FAT3: variants seen among roughly 807,000 people sequenced by gnomAD.
FAT3 encodes FAT atypical cadherin 3, also known as protocadherin Fat 3.
A neutral mutation model predicts 310.2 loss-of-function variants in FAT3; 95 were observed. The ratio of observed to expected loss-of-function variants is 0.31; its 90% CI spans 0.26 to 0.36. FAT3 has a LOEUF of 0.36. Ranked by LOEUF, FAT3 falls within the 10% of genes least tolerant of loss-of-function variation. The probability of loss-of-function intolerance (pLI) is 1.00; values close to 1 mark genes in which losing one functional copy is unlikely to be tolerated. For synonymous variants in FAT3, 2,314 were observed against 2,192.9 expected, an observed-to-expected ratio of 1.06 and a Z score of -1.54; for missense variants, 5,408 against 5,715.6, an observed-to-expected ratio of 0.95 and a Z score of 1.74.
At chr11:92,293,032 GGAAGGAAGGA>G in intron 1 of FAT3, among the ~76,000 whole-genome samples, 1 of 82,000 alleles carries the variant, frequency 1.2e-5, no homozygotes, top group Non-Finnish European at 2.8e-5. Flanking sequence ...AAGGAAGGAA[GGAAGGAAGGA>G]AGGAAGGAAG....
At chr11:92,392,138 A>G (rs1703281310) in intron 2 of FAT3, among the ~76,000 whole-genome samples, 1 of 152,098 alleles carries the variant, frequency 6.6e-6, no homozygotes, top group African/African-American at 2.4e-5. Context: ...TGGCCAGTTC[A>G]TGTCTCTGGG....
rs780835362 is a variant in FAT3, at chr11:92,890,639, C to G, written c.13296C>G (p.Asp4432Glu). ...GCGATTACTACCTGGGTGGTTATGACATTGACAGTGAATACCCACCCCCTC... is the reference window on the plus strand; with the variant it reads ...GCGATTACTACCTGGGTGGTTATGAGATTGACAGTGAATACCCACCCCCTC... The part of the protein sequence containing the change: ...LESDYYLGGY[D>E]IDSEYPPPHE... The change falls in exon 28 of 28, where the codon GAC becomes GAG. Residue 4432 changes from aspartate to glutamate, a missense_variant. Around this residue, in one of 5 missense-constraint regions of FAT3, gnomAD observed 649 missense variants for 666.2 expected, o/e 0.97. Transcript: ENST00000525166. 1.2e-6 allele frequency: 2 copies of G among 1,613,842 alleles called. No individual in the cohort carries two copies. Among genetic ancestry groups the G allele is most frequent in the South Asian group, 2.2e-5 (2 of 91,038 alleles).
intron 2 of FAT3, among the ~76,000 whole-genome samples, chr11:92,425,618 T>C (rs1435953666): frequency 6.6e-6 from 1 of 151,958 alleles, no homozygotes; most frequent in Non-Finnish European, 1.5e-5. Flanking sequence ...TCCCACTTAT[T>C]AGTGAGAACA....
chr11:92,539,544 G>A (rs1184066688), intron 3 of FAT3, among the ~76,000 whole-genome samples: 4 of 152,032 alleles, frequency 2.6e-5, no homozygotes, highest in African/African-American at 7.2e-5. Flanking sequence ...AGGTGTGGGA[G>A]GAACACAAAA....
intron 2 of FAT3, among the ~76,000 whole-genome samples, chr11:92,483,145 C>T (rs1400117324): frequency 6.6e-6 from 1 of 152,102 alleles, no homozygotes; most frequent in African/African-American, 2.4e-5. Context: ...AGTGCTGATG[C>T]TTGGACAAGC....
At position 92,882,796 on chromosome 11, in the gene FAT3, G is replaced by C. The variant is rs907878274; in HGVS notation, c.12340G>C (p.Val4114Leu). ...GGAGTGTGAGAACGGAGGCTCCTGCGTGAACGTGTTCGGCTCCTTCCTCTG... is the reference window on the plus strand; with the variant it reads ...GGAGTGTGAGAACGGAGGCTCCTGCCTGAACGTGTTCGGCTCCTTCCTCTG... ...REECENGGSCVNVFGSFLCNC... is the reference protein window; with the variant it reads ...REECENGGSCLNVFGSFLCNC... The change falls in exon 24 of 28, where the codon GTG becomes CTG. Residue 4114 changes from valine to leucine, a missense_variant. Physicochemically the swap from Val to Leu is conservative, Grantham distance 32 (BLOSUM62 1). This residue lies in a region of FAT3 where 649 missense variants were observed against 666.2 expected (regional missense o/e 0.97). Transcript: ENST00000525166. 1 of 1,612,042 alleles carries C rather than the reference G, an allele frequency of 6.2e-7. No individual in the cohort carries two copies. The highest frequency in any genetic ancestry group is 8.5e-7 in the Non-Finnish European group (1 of 1,179,248).
intron 21 of FAT3, among the ~76,000 whole-genome samples, chr11:92,861,093 G>A (rs975218809): frequency 4.6e-5 from 7 of 152,128 alleles, no homozygotes; most frequent in African/African-American, 9.7e-5. Context: ...TTCTGGCCCC[G>A]GAAGCAGCAT....
At chr11:92,473,865 T>C (rs1342047499) in intron 2 of FAT3, among the ~76,000 whole-genome samples, 3 of 152,188 alleles carry the variant, frequency 2.0e-5, no homozygotes, top group African/African-American at 7.2e-5. Context: ...TTTTGGCACT[T>C]CATGGGCCTT....
At chr11:92,689,122 A>G (rs1481414828) in intron 3 of FAT3, among the ~76,000 whole-genome samples, 1 of 152,154 alleles carries the variant, frequency 6.6e-6, no homozygotes, top group East Asian at 1.9e-4. Flanking sequence ...ATAGATGAGG[A>G]AGCTAAGTAA....
At chr11:92,639,782 C>T (rs1050813775) in intron 3 of FAT3, among the ~76,000 whole-genome samples, 1 of 152,146 alleles carries the variant, frequency 6.6e-6, no homozygotes, top group Admixed American at 6.5e-5. Context: ...TTGAGAATCA[C>T]CACTTAGCAT....
At chr11:92,813,374 A>T (rs538567078) in intron 13 of FAT3, among the ~76,000 whole-genome samples, 11 of 152,280 alleles carry the variant, frequency 7.2e-5, no homozygotes, top group Non-Finnish European at 1.3e-4. Context: ...CACTGGTAAC[A>T]TCTTGCTTAA....
intron 3 of FAT3, among the ~76,000 whole-genome samples, chr11:92,532,567 AAAT>A (rs953538446): frequency 2.0e-5 from 3 of 152,168 alleles, no homozygotes; most frequent in African/African-American, 7.2e-5. Context: ...ATTAGAGAAA[AAAT>A]AATAATAATA....
intron 1 of FAT3, among the ~76,000 whole-genome samples, chr11:92,256,021 G>A (rs949182212): frequency 2.6e-5 from 4 of 152,002 alleles, no homozygotes; most frequent in African/African-American, 9.7e-5. Flanking sequence ...AATATCCTTA[G>A]CTTTTTGTGA....
chr11:92,882,606 T>A, intron 23 of FAT3, 132 bp from the exon 24 acceptor site: 38 of 353,804 alleles, frequency 1.1e-4, no homozygotes, highest in Non-Finnish European at 1.6e-4. Flanking sequence ...ACCAACCATC[T>A]TTGTCCTGCT....
Position 92,801,836 on chromosome 11 carries a change from G to T in FAT3, c.8823G>T (p.Glu2941Asp). 7 of 1,613,990 alleles carry T rather than the reference G, an allele frequency of 4.3e-6. No individual in the cohort carries two copies. Among genetic ancestry groups the T allele is most frequent in the Non-Finnish European group, 5.9e-6 (7 of 1,179,862 alleles). The change falls in exon 10 of 28, where the codon GAG becomes GAT. Residue 2941 changes from glutamate (E) to aspartate (D), a missense_variant. By Grantham distance (45) the Glu-to-Asp change is conservative. Coordinates refer to ENST00000525166, the MANE Select transcript of FAT3 (RefSeq NM_001367949.2). Reference protein sequence around the residue: ...GNVKESDPPGEVVAVLSTWDR... With the variant: ...GNVKESDPPGDVVAVLSTWDR... Reference sequence around the variant, plus strand: ...TGAAGGAGAGCGACCCACCGGGCGAGGTGGTAGCCGTCCTCAGCACCTGGG... The same window carrying T: ...TGAAGGAGAGCGACCCACCGGGCGATGTGGTAGCCGTCCTCAGCACCTGGG...
intron 2 of FAT3, among the ~76,000 whole-genome samples, chr11:92,450,767 T>C (rs1396468050): frequency 2.0e-5 from 3 of 152,206 alleles, no homozygotes; most frequent in Non-Finnish European, 4.4e-5. Context: ...GCTAAACTGA[T>C]ACTATGGAAC....
At chr11:92,755,177 C>T (rs1055179284) in intron 4 of FAT3, among the ~76,000 whole-genome samples, 1 of 151,960 alleles carries the variant, frequency 6.6e-6, no homozygotes, top group Non-Finnish European at 1.5e-5. Context: ...ATGGTAATAA[C>T]AATATATTGT....
chr11:92,431,502 G>A (rs1166384985), intron 2 of FAT3, among the ~76,000 whole-genome samples: 27 of 152,250 alleles, frequency 1.8e-4, no homozygotes, highest in African/African-American at 6.0e-4. Context: ...CTGTGCAGAA[G>A]CTCTTTAATT....
intron 1 of FAT3, among the ~76,000 whole-genome samples, chr11:92,231,482 A>G (rs1864178542): frequency 6.6e-6 from 1 of 151,912 alleles, no homozygotes; most frequent in African/African-American, 2.4e-5. Context: ...TTCTTTTTTG[A>G]GATGTTGGAG....
Sources: gnomAD v4.1 joint callset for allele counts (sites outside exome capture counted in the v4.1 genomes callset) on GRCh38, gnomAD v4.1.1 for gene constraint, gnomAD v4.1.1 regional missense constraint, MANE v1.5 for transcripts, NCBI Gene and HGNC (gene_info 2026-07-23, HGNC 2026-07-21) for gene names.